The following PRPF38A variants were observed in gnomAD, a reference collection of about 807,000 sequenced individuals.
PRPF38A encodes pre-mRNA-splicing factor 38A.
PRPF38A carries 11 observed loss-of-function variants against 46.8 expected under a neutral mutation model. That is an observed-to-expected ratio of 0.24 (90% CI 0.15 to 0.39). The LOEUF (loss-of-function observed/expected upper bound fraction) is 0.39, where lower values mean the gene tolerates loss of function less well. PRPF38A is among the 10% of genes least tolerant of loss of function. The pLI, the probability that PRPF38A is intolerant of heterozygous loss-of-function variation, is 1.00. For synonymous variants in PRPF38A, 124 were observed against 136.2 expected, an observed-to-expected ratio of 0.91 and a Z score of 0.62; for missense variants, 261 against 407.5, an observed-to-expected ratio of 0.64 and a Z score of 3.10.
chr1:52,410,054 C>T (rs941186328), intron 3 of PRPF38A, among the ~76,000 whole-genome samples: 2 of 139,514 alleles, frequency 1.4e-5, no homozygotes, highest in Non-Finnish European at 3.0e-5. Context: ...TGTGTATATA[C>T]ACACACATAT....
intron 9 of PRPF38A, 90 bp from the exon 10 acceptor site, chr1:52,416,558 C>G (rs1216639577): frequency 2.1e-6 from 2 of 948,082 alleles, no homozygotes; most frequent in East Asian, 5.0e-5. Context: ...ATCTGCCTAC[C>G]TTGGCATCCC....
At chr1:52,412,773 G>C in intron 5 of PRPF38A, 149 bp downstream of exon 5, 2 of 570,630 alleles carry the variant, frequency 3.5e-6, no homozygotes, top group South Asian at 2.1e-5. Flanking sequence ...GCCAAGGCGA[G>C]TGGATGACCA....
Position 52,420,233 on chromosome 1 carries a change from G to A in PRPF38A, c.*3543G>A, listed in dbSNP as rs1553150310. ...AAAAGTACAAATCATGAGTCTTTGG[G>A]AAAAAACCGCCCAATAATGAAATTC... On this transcript the variant is annotated 3_prime_UTR_variant, in exon 10 of 10. Transcript: ENST00000257181. The A allele has an allele frequency of 6.6e-6, 1 of 152,118 alleles. No homozygotes were observed. Among genetic ancestry groups the A allele is most frequent in the Non-Finnish European group, 1.5e-5 (1 of 68,022 alleles). 9.4% of individuals were successfully genotyped at this position (152,118 alleles called of 1,614,324 possible).
chr1:52,407,407 A>G (rs903520351), intron 2 of PRPF38A, among the ~76,000 whole-genome samples: 4 of 152,078 alleles, frequency 2.6e-5, no homozygotes, highest in Non-Finnish European at 5.9e-5. Flanking sequence ...AGCACTTTCA[A>G]TGCATTTCTT....
At position 52,420,362 on chromosome 1, in the gene PRPF38A, A is replaced by T. The variant is rs1431801540; in HGVS notation, c.*3672A>T. On this transcript the variant is annotated 3_prime_UTR_variant, in exon 10 of 10. Transcript: ENST00000257181. ...ACTTTAAAAATAATGGGCAATGATT[A>T]TAAAGTCAAATATTATGAACACTGT... The T allele has an allele frequency of 6.6e-6, 1 of 152,252 alleles. No individual in the cohort carries two copies. Among genetic ancestry groups the T allele is most frequent in the African/African-American group, 2.4e-5 (1 of 41,474 alleles). The allele number at this position is 152,252 out of a possible 1,614,324, so 9.4% of individuals were successfully genotyped here.
intron 5 of PRPF38A, among the ~76,000 whole-genome samples, chr1:52,412,925 C>A (rs1192434262): frequency 6.6e-6 from 1 of 152,088 alleles, no homozygotes; most frequent in African/African-American, 2.4e-5. Context: ...TTGCTTGAAC[C>A]CGGGAGGCAG....
rs1648404288 is a variant in PRPF38A, at chr1:52,419,377, A to G, written c.*2687A>G. ...ATCTCAAAAAAAAAAAAAAAAGAAG[A>G]AGAAGAATGGGTTTGGTGAGAGGGT... On this transcript the variant is annotated 3_prime_UTR_variant, in exon 10 of 10. Transcript: ENST00000257181. The G allele has an allele frequency of 6.6e-6, 1 of 152,100 alleles. No individual in the cohort carries two copies. The highest frequency in any genetic ancestry group is 2.4e-5 in the African/African-American group (1 of 41,270). The allele number at this position is 152,100 out of a possible 1,614,324, so 9.4% of individuals were successfully genotyped here. A position where few individuals can be genotyped will look rare whatever the true frequency, so the allele number is the denominator to read the frequency against.
In PRPF38A at chr1:52,416,387, C is replaced by G. The variant is rs551790086; in HGVS notation, c.897-261C>G. ...GCAATGGCCCAATCTCGGCTCACAG[C>G]AACCTCCACCTCCCGGGTTCAAGCA... is the stretch of plus-strand genomic sequence containing the variant. On this transcript the variant is annotated intron_variant, in intron 9 of 9. Coordinates refer to ENST00000257181, the MANE Select transcript of PRPF38A (RefSeq NM_032864.4). Among the ~76,000 whole-genome samples, 3 of 151,808 alleles carry G rather than the reference C, an allele frequency of 2.0e-5. No homozygotes were observed. The East Asian group carries it at 5.9e-4, about 30-fold the overall frequency.
chr1:52,416,975 C>A lies in PRPF38A; in HGVS notation c.*285C>A. On this transcript the variant is annotated 3_prime_UTR_variant, in exon 10 of 10. Transcript: ENST00000257181. The stretch of plus-strand genomic sequence containing the variant: ...ACTGACAAGGAAAGGCTGTGGCCAC[C>A]TGATGACCCTTTCCCTTTTTATTAA... The A allele has an allele frequency of 2.6e-6, 1 of 390,396 alleles. No homozygotes were observed. Among genetic ancestry groups the A allele is most frequent in the Non-Finnish European group, 4.7e-6 (1 of 211,880 alleles). The allele number at this position is 390,396 out of a possible 1,614,324, so 24.2% of individuals were successfully genotyped here.
chr1:52,416,557 C>G (rs1648297910), intron 9 of PRPF38A, 91 bp from the exon 10 acceptor site: 2 of 934,194 alleles, frequency 2.1e-6, no homozygotes, highest in Non-Finnish European at 3.4e-6. Flanking sequence ...GATCTGCCTA[C>G]CTTGGCATCC....
Position 52,416,851 on chromosome 1 carries a change from G to C in PRPF38A, c.*161G>C. The C allele has an allele frequency of 4.7e-6, 3 of 640,238 alleles. No homozygotes were observed. Among genetic ancestry groups the C allele is most frequent in the South Asian group, 1.9e-5 (1 of 53,518 alleles). The allele number at this position is 640,238 out of a possible 1,614,324, so 39.7% of individuals were successfully genotyped here. Reference sequence around the variant, plus strand: ...TTTAATGAAGGAGGTGCTGAGTTTTGTATCTTTTTAATCATAATCAACATC... The same window carrying C: ...TTTAATGAAGGAGGTGCTGAGTTTTCTATCTTTTTAATCATAATCAACATC... On this transcript the variant is annotated 3_prime_UTR_variant, in exon 10 of 10. Transcript: ENST00000257181.
intron 2 of PRPF38A, among the ~76,000 whole-genome samples, chr1:52,407,146 T>C (rs910391754): frequency 3.9e-5 from 6 of 152,074 alleles, no homozygotes; most frequent in African/African-American, 1.4e-4. Flanking sequence ...GCCTCCCAAG[T>C]AGCTGGGACT....
chr1:52,405,878 T>C, intron 2 of PRPF38A, 39 bp downstream of exon 2: 2 of 1,589,078 alleles, frequency 1.3e-6, no homozygotes, highest in Non-Finnish European at 1.7e-6. Flanking sequence ...AGAGGTTTAA[T>C]TTTGGCGGTT....
chr1:52,404,616 C>T lies in PRPF38A; in HGVS notation c.-134C>T. 2 of 954,442 alleles carry T rather than the reference C, an allele frequency of 2.1e-6. No homozygotes were observed. The highest frequency in any genetic ancestry group is 2.8e-5 in the Admixed American group (1 of 35,360). 59.1% of individuals were successfully genotyped at this position (954,442 alleles called of 1,614,324 possible). ...GGAAGCCCTTTACACTACGGTGTTT[C>T]CGGCTTCAAGATGGTCGCCTAAGCT... On this transcript the variant is annotated 5_prime_UTR_variant, in exon 1 of 10. Coordinates refer to ENST00000257181, the MANE Select transcript of PRPF38A (RefSeq NM_032864.4).
At chr1:52,411,809 A>T (rs1013513771) in intron 4 of PRPF38A, among the ~76,000 whole-genome samples, 1 of 152,170 alleles carries the variant, frequency 6.6e-6, no homozygotes, top group African/African-American at 2.4e-5. Context: ...ACTGTAGGGC[A>T]TGTAGTGGAA....
chr1:52,419,694 T>C lies in PRPF38A; in HGVS notation c.*3004T>C, dbSNP rs188659037. 2 of 150,768 alleles carry C rather than the reference T, an allele frequency of 1.3e-5. No homozygotes were observed. Among genetic ancestry groups the C allele is most frequent in the African/African-American group, 2.4e-5 (1 of 40,968 alleles). 9.3% of individuals were successfully genotyped at this position (150,768 alleles called of 1,614,324 possible). The stretch of plus-strand genomic sequence containing the variant: ...AAAACATAAAACAGCACAGAGAAAA[T>C]AGGCTGGAGGAAATAAAAAATGGAA... On this transcript the variant is annotated 3_prime_UTR_variant, in exon 10 of 10. Coordinates refer to ENST00000257181, the MANE Select transcript of PRPF38A (RefSeq NM_032864.4).
rs572449021 is a variant in PRPF38A at position 52,407,431 on chromosome 1, G to A, written c.291-1138G>A. ...AATGCATTTCTTGTTTATATACCAA[G>A]CCATAAATTAGGTAGCATTATCTCC... On this transcript the variant is annotated intron_variant, in intron 2 of 9. Coordinates refer to ENST00000257181, the MANE Select transcript of PRPF38A (RefSeq NM_032864.4). 3.3e-5 allele frequency among the ~76,000 whole-genome samples: 5 copies of A among 152,180 alleles called. 1 individual carries two copies. The South Asian group carries it at 1.0e-3, about 32-fold the overall frequency.
At position 52,414,838 on chromosome 1, in the gene PRPF38A, A is replaced by G; in HGVS notation, c.826A>G (p.Arg276Gly). The G allele has an allele frequency of 1.2e-6, 2 of 1,614,178 alleles. No individual in the cohort carries two copies. Among genetic ancestry groups the G allele is most frequent in the Non-Finnish European group, 1.7e-6 (2 of 1,180,004 alleles). ...CAGCAGGTCCCGAGATCGGCGGCAC[A>G]GATCCCGTTCCAAGTCCCCAGGTAA... ...HRSRSRDRRH[R>G]SRSKSPGHHR... The change falls in exon 8 of 10, where the codon AGA becomes GGA. Residue 276 changes from arginine (R) to glycine (G), a missense_variant. This residue lies in a region of PRPF38A where 180 missense variants were observed against 221.0 expected (regional missense o/e 0.81). Transcript: ENST00000257181.
chr1:52,414,712 A>G (rs1220945573), intron 7 of PRPF38A, 50 bp from the exon 8 acceptor site: 1 of 1,613,180 alleles, frequency 6.2e-7, no homozygotes, highest in South Asian at 1.1e-5. Flanking sequence ...TATTGGTGTT[A>G]TATGTATATT....
Sources: gnomAD v4.1 joint callset for allele counts (sites outside exome capture counted in the v4.1 genomes callset) on GRCh38, gnomAD v4.1.1 for gene constraint, gnomAD v4.1.1 regional missense constraint, MANE v1.5 for transcripts, NCBI Gene and HGNC (gene_info 2026-07-23, HGNC 2026-07-21) for gene names.